Variants in PRDM15 observed in about 807,000 individuals in gnomAD.
PRDM15 encodes PR/SET domain 15, also known as PR domain zinc finger protein 15.
A neutral mutation model predicts 128.6 loss-of-function variants in PRDM15; 64 were observed. That is an observed-to-expected ratio of 0.50 (90% CI 0.41 to 0.61). PRDM15 has a LOEUF of 0.61. Among genes scored for constraint, PRDM15 ranks in the 20% least tolerant of loss-of-function variants. The pLI is 0.00. For synonymous variants in PRDM15, 615 were observed against 621.8 expected, an observed-to-expected ratio of 0.99 and a Z score of 0.16; for missense variants, 1,242 against 1,569.1, an observed-to-expected ratio of 0.79 and a Z score of 3.52.
rs139958739 is a variant in PRDM15, at chr21:41,826,049, G to A, written c.1540C>T (p.Arg514Trp). 9.3e-6 allele frequency: 15 copies of A among 1,613,610 alleles called. No individual in the cohort carries two copies. Among genetic ancestry groups the A allele is most frequent in the East Asian group, 6.7e-5 (3 of 44,866 alleles). The change falls in exon 13 of 24, where the codon CGG (arginine) becomes TGG (tryptophan). Residue 514 changes from arginine (R) to tryptophan (W), a missense_variant. Physicochemically the swap from Arg to Trp is moderately radical, Grantham distance 101 (BLOSUM62 -3). Transcript: ENST00000398548. The stretch of plus-strand genomic sequence containing the variant: ...TCCAGGTCCTCTCGCTTCACTCGCC[G>A]CACTCCTGAAATTGCCAACCCCACC... ...DHQRRHLEGV[R>W]RVKREDLEAG...
chr21:41,866,988 T>C (rs530646305), intron 1 of PRDM15, among the ~76,000 whole-genome samples: 3 of 152,236 alleles, frequency 2.0e-5, no homozygotes, highest in African/African-American at 7.2e-5. Flanking sequence ...ATCCGAACTT[T>C]CTGTTGTTAC....
chr21:41,834,532 C>T (rs138457928), intron 11 of PRDM15: 71 of 1,550,310 alleles, frequency 4.6e-5, no homozygotes, highest in South Asian at 5.9e-5. Flanking sequence ...CGACTGCCGC[C>T]GGGCCCCCCC....
chr21:41,834,597 C>G (rs1232003747), intron 11 of PRDM15: 1 of 1,527,458 alleles, frequency 6.5e-7, no homozygotes, highest in Non-Finnish European at 8.8e-7. Flanking sequence ...GCAACAGTGA[C>G]TCACCCCTCT....
chr21:41,806,063 C>T (rs1568880231), intron 21 of PRDM15, among the ~76,000 whole-genome samples: 48 of 82,704 alleles, frequency 5.8e-4, no homozygotes, highest in Non-Finnish European at 7.0e-4. Context: ...ACCACCATCA[C>T]CATCACCACC....
At chr21:41,806,409 CCATCACCACCACCACCAT>C in intron 21 of PRDM15, among the ~76,000 whole-genome samples, 1 of 26,368 alleles carries the variant, frequency 3.8e-5, no homozygotes. Flanking sequence ...ACCACCACCA[CCATCACCACCACCACCAT>C]CACCACCACC....
chr21:41,859,762 C>A lies in PRDM15; in HGVS notation c.38-77G>T. 8.1e-7 allele frequency: 1 copy of A among 1,228,188 alleles called. No homozygotes were observed. 76.1% of individuals were successfully genotyped at this position (1,228,188 alleles called of 1,614,324 possible). On this transcript the variant is annotated intron_variant, in intron 2 of 23. Coordinates refer to ENST00000398548, the MANE Select transcript of PRDM15 (RefSeq NM_001040424.3). The surrounding 1 kb of genome is among the most constrained non-coding windows in gnomAD (Gnocchi z 5.3). Reference sequence around the variant, plus strand: ...GAACACAAACCTGGGAAATGGGGACCCTGGCCCCATGAGGGTGACCCAGAG... The same window carrying A: ...GAACACAAACCTGGGAAATGGGGACACTGGCCCCATGAGGGTGACCCAGAG...
intron 8 of PRDM15, among the ~76,000 whole-genome samples, chr21:41,837,104 G>C (rs1479162747): frequency 6.6e-6 from 1 of 152,124 alleles, no homozygotes; most frequent in Non-Finnish European, 1.5e-5. Flanking sequence ...AAATAAACAG[G>C]TAACATCATT....
Position 41,802,652 on chromosome 21 carries a change from G to T in PRDM15, c.2943+60C>A. ...AAGAGATGGAGTCACACACACGTAA[G>T]GCTCTCATGCTTAGGGAAAGTGACC... On this transcript the variant is annotated intron_variant, in intron 23 of 23. Transcript: ENST00000398548. 5 of 1,363,388 alleles carry T rather than the reference G, an allele frequency of 3.7e-6. No individual in the cohort carries two copies. The Admixed American group carries it at 6.7e-5, about 18-fold the overall frequency. The allele number at this position is 1,363,388 out of a possible 1,614,324, so 84.5% of individuals were successfully genotyped here.
intron 1 of PRDM15, chr21:41,861,710 G>A (rs1417909845): frequency 1.2e-6 from 2 of 1,614,182 alleles, no homozygotes; most frequent in Non-Finnish European, 1.7e-6. Flanking sequence ...AGCAGACCGT[G>A]CAAAACTCAT....
chr21:41,843,633 G>A (rs35079426), intron 6 of PRDM15, among the ~76,000 whole-genome samples: 29,299 of 152,222 alleles, frequency 0.19, 2,994 homozygotes, highest in Admixed American at 0.3. Context: ...GCTGCAGGGG[G>A]CCTGAGAACA....
chr21:41,812,418 G>A (rs1346715718), intron 19 of PRDM15: 3 of 152,216 alleles, frequency 2.0e-5, no homozygotes, highest in East Asian at 1.9e-4. Flanking sequence ...AGGTGGCCTT[G>A]TGGTGGAAAC....
In PRDM15 at chr21:41,832,505, G is replaced by A. The variant is rs1236482274; in HGVS notation, c.1366+2932C>T. On this transcript the variant is annotated intron_variant, in intron 11 of 23. Coordinates refer to ENST00000398548, the MANE Select transcript of PRDM15 (RefSeq NM_001040424.3). The surrounding 1 kb of genome is among the most constrained non-coding windows in gnomAD (Gnocchi z 4.2). ...CACACCTTTACAGTGCTGTGGCAAC[G>A]GATCACCATAGGCCACACCTTTACA... Among the ~76,000 whole-genome samples the A allele has an allele frequency of 1.3e-5, 2 of 152,074 alleles. No individual in the cohort carries two copies. Among genetic ancestry groups the A allele is most frequent in the Middle Eastern group, 3.4e-3 (1 of 294 alleles).
In PRDM15 at chr21:41,801,477, G is replaced by A; in HGVS notation, c.3189C>T (p.Ile1063=). 1 of 1,614,210 alleles carries A rather than the reference G, an allele frequency of 6.2e-7. No homozygotes were observed. The highest frequency in any genetic ancestry group is 8.5e-7 in the Non-Finnish European group (1 of 1,180,030). ...GGTTCGAGGCTTCCGGCTGGGGGTG[G>A]ATCTGGACGTCATTTTGGCGGTTGT... The part of the protein sequence containing the change: ...MLHNRQNDVQ[I]HPQPEASNPQ... Residue 1063 remains isoleucine (I), a synonymous_variant, in exon 24 of 24, where the codon ATC becomes ATT. Coordinates refer to ENST00000398548, the MANE Select transcript of PRDM15 (RefSeq NM_001040424.3).
rs1232402249 is a variant in PRDM15, at chr21:41,866,982, G to A, written c.-9-6610C>T. 2.0e-5 allele frequency among the ~76,000 whole-genome samples: 3 copies of A among 152,162 alleles called. No homozygotes were observed. The South Asian group carries it at 6.2e-4, about 31-fold the overall frequency. ...GGGAAAGGTCTAGAACAAGGAATCCGAACTTTCTGTTGTTACCAGATGGGT... is the reference window on the plus strand; with the variant it reads ...GGGAAAGGTCTAGAACAAGGAATCCAAACTTTCTGTTGTTACCAGATGGGT... On this transcript the variant is annotated intron_variant, in intron 1 of 23. Coordinates refer to ENST00000398548, the MANE Select transcript of PRDM15 (RefSeq NM_001040424.3).
intron 21 of PRDM15, among the ~76,000 whole-genome samples, chr21:41,808,602 T>A (rs887983807): frequency 1.3e-5 from 2 of 152,218 alleles, no homozygotes; most frequent in African/African-American, 4.8e-5. Flanking sequence ...AAATTACCCA[T>A]CACTTCAAGA....
In PRDM15 at chr21:41,828,531, C is replaced by T. The variant is rs377440731; in HGVS notation, c.1367-198G>A. 1.3e-5 allele frequency among the ~76,000 whole-genome samples: 2 copies of T among 151,892 alleles called. No homozygotes were observed. Among genetic ancestry groups the T allele is most frequent in the Non-Finnish European group, 2.9e-5 (2 of 67,974 alleles). On this transcript the variant is annotated intron_variant, in intron 11 of 23. Transcript: ENST00000398548. The surrounding 1 kb of genome is among the most constrained non-coding windows in gnomAD (Gnocchi z 5.7). ...ACTCACGATGCAGAGACGGGAACCCCGGTGCTTGAAAAGCAGACACGGAGC... is the reference window on the plus strand; with the variant it reads ...ACTCACGATGCAGAGACGGGAACCCTGGTGCTTGAAAAGCAGACACGGAGC...
intron 21 of PRDM15, among the ~76,000 whole-genome samples, chr21:41,806,019 C>CACT (rs2061565106): frequency 1.7e-5 from 1 of 57,352 alleles, no homozygotes. Flanking sequence ...CCACCACCAT[C>CACT]ACCACCACCA....
chr21:41,809,031 C>T (rs150998696), intron 21 of PRDM15, among the ~76,000 whole-genome samples: 2,038 of 152,336 alleles, frequency 0.013, 147 homozygotes, highest in Admixed American at 0.12. Context: ...TGCCATCCTC[C>T]GCCGCTACCG....
At chr21:41,864,572 C>T (rs1260144777) in intron 1 of PRDM15, among the ~76,000 whole-genome samples, 1 of 152,046 alleles carries the variant, frequency 6.6e-6, no homozygotes, top group Non-Finnish European at 1.5e-5. Context: ...CCTGGAACCG[C>T]TGTGACCTCT....
Sources: allele counts gnomAD v4.1 joint callset (sites outside exome capture counted in the v4.1 genomes callset), GRCh38; gene constraint gnomAD v4.1.1; non-coding constraint Gnocchi (gnomAD v3.1); transcripts MANE v1.5; gene names NCBI Gene and HGNC (gene_info 2026-07-23, HGNC 2026-07-21).